Variants in RHOQ observed in about 807,000 individuals in gnomAD.
The protein encoded by RHOQ is rho-related GTP-binding protein RhoQ.
Under a neutral mutation model 25.8 loss-of-function variants are expected in RHOQ, and 7 were observed. The ratio of observed to expected loss-of-function variants is 0.27; its 90% confidence interval spans 0.15 to 0.51. RHOQ has a LOEUF of 0.51. Among genes scored for constraint, RHOQ ranks in the 20% least tolerant of loss-of-function variants. RHOQ has a pLI of 0.97. For synonymous variants in RHOQ, 97 were observed against 98.6 expected (o/e 0.98, Z 0.10); for missense variants, 165 against 260.6 (o/e 0.63, Z 2.53).
rs531181845 is a variant in RHOQ at position 46,581,683 on chromosome 2, A to C, written c.*600A>C. ...CCTAAATATTTCTATATTAAAGCTT[A>C]ATGTGCTTTCTTAAAGAATGCCAAA... On this transcript the variant is annotated 3_prime_UTR_variant, in exon 5 of 5. Transcript: ENST00000238738. 6.7e-6 allele frequency: 10 copies of C among 1,485,194 alleles called. No individual in the cohort carries two copies. The South Asian group carries it at 1.3e-4, about 19-fold the overall frequency. 92.0% of individuals were successfully genotyped at this position (1,485,194 alleles called of 1,614,324 possible).
Position 46,542,662 on chromosome 2 carries a change from G to C in RHOQ, c.-385G>C, listed in dbSNP as rs977204162. 6.8e-6 allele frequency: 1 copy of C among 146,654 alleles called. No individual in the cohort carries two copies. The highest frequency in any genetic ancestry group is 2.0e-4 in the East Asian group (1 of 5,120). 9.1% of individuals were successfully genotyped at this position (146,654 alleles called of 1,614,324 possible). ...GGAGGGGCCCGGGTTGGCGCGGGGC[G>C]GGGAGAGCCGCCTGGCCCCTCCCCT... On this transcript the variant is annotated 5_prime_UTR_variant, in exon 1 of 5. Coordinates refer to ENST00000238738, the MANE Select transcript of RHOQ (RefSeq NM_012249.4).
At chr2:46,543,327 C>A in intron 1 of RHOQ, 139 bp downstream of exon 1, 1 of 915,068 alleles carries the variant, frequency 1.1e-6, no homozygotes, top group Non-Finnish European at 1.7e-6. Context: ...GGCGGCCGGC[C>A]CCACCCCCGA....
chr2:46,553,331 C>G (rs1181327300), intron 2 of RHOQ, among the ~76,000 whole-genome samples: 1 of 148,836 alleles, frequency 6.7e-6, no homozygotes, highest in Non-Finnish European at 1.5e-5. Flanking sequence ...TTTATTTTTT[C>G]AATTTTTAAA....
intron 4 of RHOQ, among the ~76,000 whole-genome samples, chr2:46,579,006 A>G (rs1315079341): frequency 6.6e-6 from 1 of 152,168 alleles, no homozygotes; most frequent in Non-Finnish European, 1.5e-5. Context: ...ATTATTAGGG[A>G]CGTACTTAGA....
chr2:46,572,880 A>G (rs1378929510), intron 2 of RHOQ: 9 of 369,714 alleles, frequency 2.4e-5, no homozygotes, highest in African/African-American at 1.9e-4. Context: ...CCACTTATTC[A>G]TTCCCAAATC....
rs191019434 is a variant in RHOQ, at chr2:46,582,516, G to T, written c.*1433G>T. 127 of 152,314 alleles carry T rather than the reference G, an allele frequency of 8.3e-4. No individual in the cohort carries two copies. The highest frequency in any genetic ancestry group is 2.8e-3 in the African/African-American group (116 of 41,558). 9.4% of individuals were successfully genotyped at this position (152,314 alleles called of 1,614,324 possible). ...TCAGATAATGGATGCATCAGATAAT[G>T]GTGTTAGACAAAGCTTCATTGTGAA... On this transcript the variant is annotated 3_prime_UTR_variant, in exon 5 of 5. Transcript: ENST00000238738.
At chr2:46,543,650 C>G in intron 1 of RHOQ, 104 bp from the exon 2 acceptor site, 1 of 978,356 alleles carries the variant, frequency 1.0e-6, no homozygotes. Context: ...CGCCCCCACG[C>G]CTCTAGCTGG....
At chr2:46,560,542 T>A (rs1248798131) in intron 2 of RHOQ, 1 of 455,310 alleles carries the variant, frequency 2.2e-6, no homozygotes, top group Non-Finnish European at 4.4e-6. Context: ...GCAAAGCGAG[T>A]TGGATTTCTG....
intron 2 of RHOQ, among the ~76,000 whole-genome samples, chr2:46,563,830 C>G (rs1668645146): frequency 6.6e-6 from 1 of 151,774 alleles, no homozygotes; most frequent in Admixed American, 6.6e-5. Flanking sequence ...TTCTCTTTTT[C>G]TTAATGGAGA....
At chr2:46,577,604 A>T (rs1572758252) in intron 4 of RHOQ, among the ~76,000 whole-genome samples, 1 of 107,360 alleles carries the variant, frequency 9.3e-6, no homozygotes, top group Non-Finnish European at 1.8e-5. Context: ...TTTAGTGGAG[A>T]TGGGGTTTTA....
chr2:46,543,407 G>A, intron 1 of RHOQ: 1 of 603,430 alleles, frequency 1.7e-6, no homozygotes, highest in Middle Eastern at 4.3e-4. Context: ...CGCGGCTCCT[G>A]CTCCCCGCAC....
chr2:46,579,362 T>C (rs926041099), intron 4 of RHOQ, among the ~76,000 whole-genome samples: 1 of 152,232 alleles, frequency 6.6e-6, no homozygotes, highest in Non-Finnish European at 1.5e-5. Context: ...TCTGTCAGTC[T>C]TGTAGCTTGC....
chr2:46,575,174 G>T lies in RHOQ; in HGVS notation c.202-913G>T, dbSNP rs191532546. 2.3e-3 allele frequency among the ~76,000 whole-genome samples: 352 copies of T among 152,226 alleles called. 3 individuals are homozygous for T. The highest frequency in any genetic ancestry group is 2.4e-3 in the Non-Finnish European group (165 of 68,010). ...GTGTAAAATGATATGGTAGTCTAAC[G>T]TATTCTGATTTAGAAAGATGTCCAA... On this transcript the variant is annotated intron_variant, in intron 2 of 4. Coordinates refer to ENST00000238738, the MANE Select transcript of RHOQ (RefSeq NM_012249.4).
At chr2:46,562,822 C>T (rs1021854991) in intron 2 of RHOQ, among the ~76,000 whole-genome samples, 1 of 152,168 alleles carries the variant, frequency 6.6e-6, no homozygotes, top group Admixed American at 6.5e-5. Context: ...TAAACCTACA[C>T]ACTTATTTAA....
Position 46,576,452 on chromosome 2 carries a change from CTTTT to C in RHOQ, c.367-108_367-105del, listed in dbSNP as rs1669131750. On this transcript the variant is annotated intron_variant, in intron 3 of 4. Coordinates refer to ENST00000238738, the MANE Select transcript of RHOQ (RefSeq NM_012249.4). This position sits in a 1 kb window ranked among gnomAD's most constrained non-coding sequence, Gnocchi z 5.1. Reference sequence around the variant, plus strand: ...TTTCCTGGTTTTTAAAAATTAAGTTCTTTTGTTTAATCTTTTTTTGGTATGTGGG... The same window carrying C: ...TTTCCTGGTTTTTAAAAATTAAGTTCGTTTAATCTTTTTTTGGTATGTGGG... The C allele has an allele frequency of 5.5e-6, 5 of 910,582 alleles. No homozygotes were observed. Among genetic ancestry groups the C allele is most frequent in the Non-Finnish European group, 8.2e-6 (5 of 606,760 alleles). 56.4% of individuals were successfully genotyped at this position (910,582 alleles called of 1,614,324 possible). A position where few individuals can be genotyped will look rare whatever the true frequency, so the allele number is the denominator to read the frequency against.
intron 2 of RHOQ, chr2:46,568,557 CAA>C (rs1259612755): frequency 6.6e-6 from 1 of 152,156 alleles, no homozygotes; most frequent in African/African-American, 2.4e-5. Context: ...TGTTTTCCCA[CAA>C]AAGAGTTTTT....
At chr2:46,578,866 GTTAA>G in intron 4 of RHOQ, among the ~76,000 whole-genome samples, 1 of 151,908 alleles carries the variant, frequency 6.6e-6, no homozygotes, top group East Asian at 1.9e-4. Flanking sequence ...GGTGATAGAT[GTTAA>G]TTATGTTGAT....
chr2:46,584,061 G>A lies in RHOQ; in HGVS notation c.*2978G>A, dbSNP rs1379461157. Among the ~76,000 whole-genome samples, 1 of 152,076 alleles carries A rather than the reference G, an allele frequency of 6.6e-6. No homozygotes were observed. Among genetic ancestry groups the A allele is most frequent in the African/African-American group, 2.4e-5 (1 of 41,420 alleles). On this transcript the variant is annotated 3_prime_UTR_variant, in exon 5 of 5. Coordinates refer to ENST00000238738, the MANE Select transcript of RHOQ (RefSeq NM_012249.4). ...AGCTTGGATTAATGGGTTTTGTTAT[G>A]AATTATCTTAGTGACTTTAGACACT...
intron 4 of RHOQ, among the ~76,000 whole-genome samples, chr2:46,577,396 CTTTTTT>C (rs745605616): frequency 9.1e-6 from 1 of 110,154 alleles, no homozygotes; most frequent in Admixed American, 9.2e-5. Flanking sequence ...CATATATGGT[CTTTTTT>C]TTTTTTTTTT....
Sources: gnomAD v4.1 joint callset for allele counts (sites outside exome capture counted in the v4.1 genomes callset) on GRCh38, gnomAD v4.1.1 for gene constraint, Gnocchi (gnomAD v3.1) non-coding constraint, MANE v1.5 for transcripts, NCBI Gene and HGNC (gene_info 2026-07-23, HGNC 2026-07-21) for gene names.